Variants in XYLT1 observed in about 807,000 individuals in gnomAD.
XYLT1 encodes the protein xylosyltransferase 1, also known as beta-D-xylosyltransferase 1.
XYLT1 carries 36 observed loss-of-function variants against 91.3 expected under a neutral mutation model. The observed-to-expected ratio is 0.39, with a 90% confidence interval of 0.30 to 0.52. The LOEUF is 0.52. XYLT1 is among the 20% of genes least tolerant of loss of function. The pLI is 0.68. For synonymous variants in XYLT1, 588 were observed against 532.0 expected, an observed-to-expected ratio of 1.11 and a Z score of -1.45; for missense variants, 1,242 against 1,284.5, an observed-to-expected ratio of 0.97 and a Z score of 0.51.
At chr16:17,365,371 C>A (rs964818484) in intron 1 of XYLT1, among the ~76,000 whole-genome samples, 9 of 152,082 alleles carry the variant, frequency 5.9e-5, no homozygotes, top group Non-Finnish European at 1.3e-4. Context: ...GCAGGGCAGG[C>A]GGCATGGGGT....
Position 17,134,494 on chromosome 16 carries a change from G to C in XYLT1, c.2006C>G (p.Thr669Arg). Residue 669 changes from threonine to arginine, a missense_variant, in exon 9 of 12, where the codon ACG becomes AGG. Physicochemically the swap from Thr to Arg is moderately conservative, Grantham distance 71 (BLOSUM62 -1). Transcript: ENST00000261381. ...TCACCGGCAGCTGTTCTCCCCATCC[G>C]TGTGCAGGGACGTCTCGGCCCGTCG... Reference protein sequence around the residue: ...GLRRAETSLHTDGENSCRYYP... With the variant: ...GLRRAETSLHRDGENSCRYYP... 6.2e-7 allele frequency: 1 copy of C among 1,614,048 alleles called. No individual in the cohort carries two copies. The highest frequency in any genetic ancestry group is 8.5e-7 in the Non-Finnish European group (1 of 1,180,020).
intron 3 of XYLT1, among the ~76,000 whole-genome samples, chr16:17,236,418 TG>T (rs1472861533): frequency 1.4e-5 from 2 of 143,606 alleles, no homozygotes; most frequent in Non-Finnish European, 3.0e-5. Flanking sequence ...GTATCACAAC[TG>T]AAATGGAGAG....
At chr16:17,233,012 T>C (rs933647872) in intron 3 of XYLT1, among the ~76,000 whole-genome samples, 6 of 152,150 alleles carry the variant, frequency 3.9e-5, no homozygotes, top group African/African-American at 1.4e-4. Flanking sequence ...TGACATACAC[T>C]ATCAGGACTT....
intron 2 of XYLT1, among the ~76,000 whole-genome samples, chr16:17,329,768 A>G (rs1176750332): frequency 2.6e-5 from 4 of 152,214 alleles, no homozygotes; most frequent in African/African-American, 9.6e-5. Flanking sequence ...TGGACACAGA[A>G]GAGGCAGTTA....
intron 7 of XYLT1, among the ~76,000 whole-genome samples, chr16:17,140,196 C>G (rs1202521558): frequency 6.6e-6 from 1 of 152,188 alleles, no homozygotes; most frequent in Non-Finnish European, 1.5e-5. Flanking sequence ...CTCCCCACTT[C>G]TAGATGGGGC....
chr16:17,128,964 G>GT (rs1452784424), intron 9 of XYLT1, among the ~76,000 whole-genome samples: 1 of 147,026 alleles, frequency 6.8e-6, no homozygotes, highest in East Asian at 2.1e-4. Flanking sequence ...CTGATCTGGA[G>GT]TTTTAAGTCT....
chr16:17,214,266 G>A (rs531356998), intron 3 of XYLT1, among the ~76,000 whole-genome samples: 10 of 152,284 alleles, frequency 6.6e-5, no homozygotes, highest in Non-Finnish European at 7.4e-5. Context: ...TTTTGAAATC[G>A]GACAGATCTG....
chr16:17,224,373 C>A (rs555095209), intron 3 of XYLT1, among the ~76,000 whole-genome samples: 1 of 152,230 alleles, frequency 6.6e-6, no homozygotes, highest in South Asian at 2.1e-4. Context: ...GAAGACCAGG[C>A]ACGTGCATGC....
chr16:17,138,056 C>G (rs2030815066), intron 8 of XYLT1, among the ~76,000 whole-genome samples: 3 of 150,930 alleles, frequency 2.0e-5, no homozygotes, highest in African/African-American at 4.9e-5. Flanking sequence ...ATGAGTATGG[C>G]CTTTGGAAAG....
At chr16:17,175,549 G>A (rs1567308460) in intron 5 of XYLT1, among the ~76,000 whole-genome samples, 2 of 152,172 alleles carry the variant, frequency 1.3e-5, no homozygotes, top group South Asian at 2.1e-4. Flanking sequence ...GAGTCCATAT[G>A]CATCACCACT....
intron 2 of XYLT1, among the ~76,000 whole-genome samples, chr16:17,317,622 G>A (rs1439822257): frequency 1.0e-5 from 1 of 96,472 alleles, no homozygotes; most frequent in African/African-American, 4.6e-5. Context: ...GGTGGGAGAC[G>A]CTGTCTCAAA....
chr16:17,463,256 C>T (rs957879090), intron 1 of XYLT1, among the ~76,000 whole-genome samples: 5 of 152,130 alleles, frequency 3.3e-5, no homozygotes, highest in African/African-American at 1.2e-4. Context: ...AAAGCTTCTG[C>T]ACGGCAAACA....
chr16:17,271,759 G>A (rs1015386141), intron 2 of XYLT1, among the ~76,000 whole-genome samples: 8 of 151,822 alleles, frequency 5.3e-5, no homozygotes, highest in African/African-American at 1.5e-4. Flanking sequence ...TCCCACCCCC[G>A]ACCCCTGCTG....
At chr16:17,297,621 G>T (rs2034331058) in intron 2 of XYLT1, among the ~76,000 whole-genome samples, 1 of 152,132 alleles carries the variant, frequency 6.6e-6, no homozygotes, top group African/African-American at 2.4e-5. Flanking sequence ...TACTCAGGAG[G>T]CTGAGGTGGG....
At position 17,208,411 on chromosome 16, in the gene XYLT1, G is replaced by A. The variant is rs1171028829; in HGVS notation, c.914-7757C>T. Among the ~76,000 whole-genome samples, 3 of 151,986 alleles carry A rather than the reference G, an allele frequency of 2.0e-5. No homozygotes were observed. The East Asian group carries it at 5.8e-4, about 29-fold the overall frequency. ...CCCTTATGTGAAATGCCTGGAACCAGAAGTGTTTCCAATTTTGAATTTTTT... is the reference window on the plus strand; with the variant it reads ...CCCTTATGTGAAATGCCTGGAACCAAAAGTGTTTCCAATTTTGAATTTTTT... On this transcript the variant is annotated intron_variant, in intron 3 of 11. Transcript: ENST00000261381.
At chr16:17,146,552 T>C (rs529100227) in intron 6 of XYLT1, among the ~76,000 whole-genome samples, 8 of 152,262 alleles carry the variant, frequency 5.3e-5, no homozygotes, top group Non-Finnish European at 1.2e-4. Flanking sequence ...CAAGGACTGA[T>C]GAAATTAGCA....
At chr16:17,316,628 C>T (rs1296509265) in intron 2 of XYLT1, among the ~76,000 whole-genome samples, 2 of 152,016 alleles carry the variant, frequency 1.3e-5, no homozygotes, top group African/African-American at 4.8e-5. Flanking sequence ...AACTCCTGGC[C>T]TCAAGTGATC....
chr16:17,343,528 T>C (rs966449407), intron 2 of XYLT1, among the ~76,000 whole-genome samples: 1 of 152,218 alleles, frequency 6.6e-6, no homozygotes, highest in African/African-American at 2.4e-5. Flanking sequence ...TGGAGTGCAG[T>C]AGCGCAATCA....
chr16:17,464,210 C>A (rs897130063), intron 1 of XYLT1, among the ~76,000 whole-genome samples: 1 of 152,110 alleles, frequency 6.6e-6, no homozygotes, highest in South Asian at 2.1e-4. Context: ...CTAGAAGACC[C>A]GGGCACAGTG....
Sources: allele counts gnomAD v4.1 joint callset (sites outside exome capture counted in the v4.1 genomes callset), GRCh38; gene constraint gnomAD v4.1.1; transcripts MANE v1.5; gene names NCBI Gene and HGNC (gene_info 2026-07-23, HGNC 2026-07-21).